The following MKLN1 variants were observed in gnomAD, a reference collection of about 807,000 sequenced individuals.
The protein encoded by MKLN1 is muskelin.
A neutral mutation model predicts 99.0 loss-of-function variants in MKLN1; 18 were observed. The ratio of observed to expected loss-of-function variants is 0.18; its 90% CI spans 0.13 to 0.27. The LOEUF (loss-of-function observed/expected upper bound fraction) is 0.27, where lower values mean the gene tolerates loss of function less well. Ranked by LOEUF, MKLN1 falls within the 10% of genes least tolerant of loss-of-function variation. The pLI, the probability that MKLN1 is intolerant of heterozygous loss-of-function variation, is 1.00. For missense variants in MKLN1, 621 were observed against 875.9 expected (o/e 0.71, Z 3.67); for synonymous variants, 288 against 293.2 (o/e 0.98, Z 0.18).
intron 3 of MKLN1, among the ~76,000 whole-genome samples, chr7:131,321,352 C>T (rs1461568318): frequency 6.6e-6 from 1 of 152,134 alleles, no homozygotes; most frequent in East Asian, 1.9e-4. Context: ...CACATGTTCT[C>T]ACTAATAAGT....
intron 10 of MKLN1, among the ~76,000 whole-genome samples, chr7:131,441,908 T>C (rs1163373096): frequency 6.6e-6 from 1 of 152,150 alleles, no homozygotes; most frequent in Non-Finnish European, 1.5e-5. Context: ...TCCCAGATAT[T>C]TGGAGTGATT....
intron 3 of MKLN1, among the ~76,000 whole-genome samples, chr7:131,252,983 G>A (rs774736154): frequency 7.3e-4 from 111 of 152,276 alleles, no homozygotes; most frequent in Non-Finnish European, 2.5e-4. Flanking sequence ...AAAAAGTTTA[G>A]TGTTATCAAG....
At chr7:131,356,864 G>C (rs1320798892) in intron 1 of MKLN1, among the ~76,000 whole-genome samples, 1 of 152,156 alleles carries the variant, frequency 6.6e-6, no homozygotes, top group South Asian at 2.1e-4. Flanking sequence ...CTCCTCAGGA[G>C]AATTCGAATG....
intron 1 of MKLN1, among the ~76,000 whole-genome samples, chr7:131,116,527 T>A (rs1795280492): frequency 6.6e-6 from 1 of 152,096 alleles, no homozygotes; most frequent in Non-Finnish European, 1.5e-5. Context: ...ATTCTACATA[T>A]GCACTCCCTT....
intron 3 of MKLN1, among the ~76,000 whole-genome samples, chr7:131,315,600 G>C (rs982908686): frequency 7.9e-5 from 12 of 152,190 alleles, no homozygotes; most frequent in Non-Finnish European, 1.5e-4. Context: ...AAGTGGTCTT[G>C]CTAAGTGGGT....
In MKLN1 at chr7:131,329,436, G is replaced by C. The variant is rs1048938976; in HGVS notation, c.98+1439G>C. ...AGATAAACAGTCCAGCCATGTAGTT[G>C]GAGTTGAAATGTGGCCCTATGTACT... is the stretch of plus-strand genomic sequence containing the variant. On this transcript the variant is annotated intron_variant, in intron 1 of 17. Transcript: ENST00000352689. Among the ~76,000 whole-genome samples, 4 of 152,190 alleles carry C rather than the reference G, an allele frequency of 2.6e-5. No individual in the cohort carries two copies. In the South Asian group the frequency reaches 6.2e-4, roughly 24 times the overall value.
chr7:131,132,983 A>AAAGAAAGAAAG (rs1554526897), intron 1 of MKLN1, among the ~76,000 whole-genome samples: 26 of 137,406 alleles, frequency 1.9e-4, no homozygotes, highest in Non-Finnish European at 3.1e-4. Context: ...AAGAAAGAAA[A>AAAGAAAGAAAG]ACCAGAGCAT....
intron 2 of MKLN1, among the ~76,000 whole-genome samples, chr7:131,151,172 C>A (rs1418495649): frequency 1.3e-5 from 2 of 152,206 alleles, no homozygotes; most frequent in Admixed American, 1.3e-4. Flanking sequence ...ACTGCCTGTC[C>A]TCTCTGCATA....
At chr7:131,343,282 G>C (rs1321949431) in intron 1 of MKLN1, among the ~76,000 whole-genome samples, 1 of 152,174 alleles carries the variant, frequency 6.6e-6, no homozygotes, top group Non-Finnish European at 1.5e-5. Flanking sequence ...AAAGATACTT[G>C]GAGGTAGACT....
At chr7:131,420,875 C>CT (rs1345967058) in intron 8 of MKLN1, among the ~76,000 whole-genome samples, 1 of 152,076 alleles carries the variant, frequency 6.6e-6, no homozygotes, top group Non-Finnish European at 1.5e-5. Context: ...ATTCATTTTC[C>CT]TTTGAGTAGA....
rs529750225 is a variant in MKLN1, at chr7:131,408,212, G to A, written c.704-3094G>A. On this transcript the variant is annotated intron_variant, in intron 6 of 17. Coordinates refer to ENST00000352689, the MANE Select transcript of MKLN1 (RefSeq NM_013255.5). ...ATACTCTCTATCTCTAAGCTTTACCGTCTTAGTAAATATTTACTAGTTCAG... is the reference window on the plus strand; with the variant it reads ...ATACTCTCTATCTCTAAGCTTTACCATCTTAGTAAATATTTACTAGTTCAG... 8.0e-4 allele frequency among the ~76,000 whole-genome samples: 122 copies of A among 152,068 alleles called. 1 individual carries two copies. The highest frequency in any genetic ancestry group is 1.3e-4 in the Non-Finnish European group (9 of 67,952).
chr7:131,350,517 G>A (rs1799689474), intron 1 of MKLN1, among the ~76,000 whole-genome samples: 1 of 152,222 alleles, frequency 6.6e-6, no homozygotes, highest in Non-Finnish European at 1.5e-5. Flanking sequence ...GGCTGGGGCT[G>A]TGGTTTCACC....
At chr7:131,237,227 T>G (rs541386736) in intron 3 of MKLN1, among the ~76,000 whole-genome samples, 1 of 152,290 alleles carries the variant, frequency 6.6e-6, no homozygotes, top group Admixed American at 6.5e-5. Flanking sequence ...CCTGTACAGT[T>G]TCATGTTGTT....
At chr7:131,369,219 G>A (rs1457656485) in intron 1 of MKLN1, among the ~76,000 whole-genome samples, 2 of 152,028 alleles carry the variant, frequency 1.3e-5, no homozygotes, top group Admixed American at 6.5e-5. Context: ...ATGTCCTTAC[G>A]TACTGGAGAT....
intron 6 of MKLN1, among the ~76,000 whole-genome samples, chr7:131,404,210 G>T (rs1794634123): frequency 6.6e-6 from 1 of 152,122 alleles, no homozygotes; most frequent in Admixed American, 6.5e-5. Flanking sequence ...GTATGTTTGG[G>T]TACTTCCAGT....
intron 3 of MKLN1, among the ~76,000 whole-genome samples, chr7:131,247,312 G>A (rs1326317848): frequency 6.8e-6 from 1 of 147,396 alleles, no homozygotes; most frequent in East Asian, 2.1e-4. Context: ...CTTCCGGGTT[G>A]AAGCGATTCT....
rs57399724 is a variant in MKLN1, at chr7:131,439,865, AACACAC to A, written c.1173+1916_1173+1921del. On this transcript the variant is annotated intron_variant, in intron 10 of 17. Transcript: ENST00000352689. ...AATGGTAATCAAGCAAAAAGATTTA[AACACAC>A]ACACACACACACACACACACACACA... Among the ~76,000 whole-genome samples, 1,027 of 146,294 alleles carry A rather than the reference AACACAC, an allele frequency of 7.0e-3. 11 individuals carry two copies. The highest frequency in any genetic ancestry group is 0.015 in the African/African-American group (609 of 39,536).
At chr7:131,243,881 G>A (rs1357268029) in intron 3 of MKLN1, among the ~76,000 whole-genome samples, 1 of 152,070 alleles carries the variant, frequency 6.6e-6, no homozygotes, top group East Asian at 1.9e-4. Context: ...TGGGCATGGT[G>A]GCACGTTCCT....
chr7:131,118,406 A>G (rs1795310426), intron 1 of MKLN1, among the ~76,000 whole-genome samples: 1 of 152,136 alleles, frequency 6.6e-6, no homozygotes, highest in Non-Finnish European at 1.5e-5. Context: ...ATACAAAATT[A>G]GCTGGGCACA....
Sources: allele counts gnomAD v4.1 joint callset (sites outside exome capture counted in the v4.1 genomes callset), GRCh38; gene constraint gnomAD v4.1.1; transcripts MANE v1.5; gene names NCBI Gene and HGNC (gene_info 2026-07-23, HGNC 2026-07-21).